WDR70: variants seen among roughly 807,000 people sequenced by gnomAD.
WDR70 encodes the protein WD repeat-containing protein 70.
In WDR70, 53 loss-of-function variants were observed where a neutral mutation model predicts 88.6. The observed-to-expected ratio is 0.60, with a 90% CI of 0.48 to 0.75. WDR70 has a LOEUF of 0.75. Among genes scored for constraint, WDR70 ranks in the 30% least tolerant of loss-of-function variants. WDR70 has a pLI of 0.00. For synonymous variants in WDR70, 280 were observed against 270.0 expected, an observed-to-expected ratio of 1.04 and a Z score of -0.36; for missense variants, 610 against 823.2, an observed-to-expected ratio of 0.74 and a Z score of 3.17.
intron 17 of WDR70, among the ~76,000 whole-genome samples, chr5:37,749,852 G>T (rs189496920): frequency 1.7e-4 from 25 of 150,434 alleles, no homozygotes; most frequent in Non-Finnish European, 3.4e-4. Context: ...CAAAAACGCA[G>T]TATCTCCTTT....
intron 10 of WDR70, among the ~76,000 whole-genome samples, chr5:37,674,354 G>A (rs574167810): frequency 3.9e-5 from 6 of 152,032 alleles, no homozygotes; most frequent in Admixed American, 6.5e-5. Context: ...TTTAGCATTA[G>A]GTATATCTCC....
At chr5:37,528,628 T>A (rs1741382005) in intron 9 of WDR70, among the ~76,000 whole-genome samples, 1 of 151,634 alleles carries the variant, frequency 6.6e-6, no homozygotes, top group Non-Finnish European at 1.5e-5. Context: ...TAAAGTATAA[T>A]AAAAAAAAAC....
At chr5:37,750,061 G>A (rs1169291284) in intron 17 of WDR70, among the ~76,000 whole-genome samples, 1 of 151,964 alleles carries the variant, frequency 6.6e-6, no homozygotes, top group Non-Finnish European at 1.5e-5. Context: ...TTCAAGTTTT[G>A]ACAAATGCAT....
At chr5:37,532,562 C>A (rs1253107592) in intron 9 of WDR70, among the ~76,000 whole-genome samples, 1 of 151,940 alleles carries the variant, frequency 6.6e-6, no homozygotes. Context: ...CTGAGACTTT[C>A]CAGTGTATTT....
intron 9 of WDR70, among the ~76,000 whole-genome samples, chr5:37,575,606 A>G (rs189625009): frequency 6.6e-6 from 1 of 152,336 alleles, no homozygotes; most frequent in Admixed American, 6.5e-5. Context: ...ACCACATGCC[A>G]GGAGCCTACC....
At chr5:37,382,395 G>C (rs115201075) in intron 3 of WDR70, among the ~76,000 whole-genome samples, 1 of 151,002 alleles carries the variant, frequency 6.6e-6, no homozygotes, top group African/African-American at 2.4e-5. Flanking sequence ...ACTGTGCCCC[G>C]CTTTTTGTTT....
At chr5:37,604,004 G>GT (rs1413022313) in intron 9 of WDR70, among the ~76,000 whole-genome samples, 1 of 151,984 alleles carries the variant, frequency 6.6e-6, no homozygotes, top group Non-Finnish European at 1.5e-5. Flanking sequence ...TTAGTGCATT[G>GT]TTTTTTACCA....
At chr5:37,418,206 AATTTT>A (rs61031749) in intron 5 of WDR70, among the ~76,000 whole-genome samples, 27 of 151,984 alleles carry the variant, frequency 1.8e-4, no homozygotes, top group Admixed American at 5.9e-4. Flanking sequence ...TTGAATTATG[AATTTT>A]ATTTTATTTT....
chr5:37,619,811 A>T (rs1744455343), intron 10 of WDR70, among the ~76,000 whole-genome samples: 1 of 151,714 alleles, frequency 6.6e-6, no homozygotes, highest in African/African-American at 2.4e-5. Context: ...CAAATTTCTT[A>T]AAACTTTTCA....
At chr5:37,603,020 A>G (rs1277674030) in intron 9 of WDR70, among the ~76,000 whole-genome samples, 1 of 152,168 alleles carries the variant, frequency 6.6e-6, no homozygotes, top group Non-Finnish European at 1.5e-5. Context: ...ATGGAAAGAT[A>G]TTCCATGTCC....
chr5:37,674,339 C>T (rs999265990), intron 10 of WDR70, among the ~76,000 whole-genome samples: 7 of 151,964 alleles, frequency 4.6e-5, no homozygotes, highest in Admixed American at 1.3e-4. Context: ...CCCATTAACT[C>T]GTCATTTAGC....
chr5:37,398,091 T>G (rs1257394663), intron 5 of WDR70, among the ~76,000 whole-genome samples: 1 of 16,106 alleles, frequency 6.2e-5, no homozygotes, highest in East Asian at 3.8e-3. Context: ...TAGATAATTT[T>G]TTTTTTTTTT....
intron 9 of WDR70, among the ~76,000 whole-genome samples, chr5:37,599,313 T>C (rs1350332228): frequency 6.6e-6 from 1 of 152,218 alleles, no homozygotes; most frequent in African/African-American, 2.4e-5. Context: ...AAGAATACAG[T>C]TGCATTTAGG....
chr5:37,727,045 A>G lies in WDR70; in HGVS notation c.1877A>G (p.Lys626Arg). 1 of 1,605,686 alleles carries G rather than the reference A, an allele frequency of 6.2e-7. No homozygotes were observed. Among genetic ancestry groups the G allele is most frequent in the Non-Finnish European group, 8.5e-7 (1 of 1,177,230 alleles). Residue 626 changes from lysine to arginine, a missense_variant and splice_region_variant, in exon 17 of 18, where the codon AAG (lysine) becomes AGG (arginine). Physicochemically the swap from Lys to Arg is conservative, Grantham distance 26 (BLOSUM62 2). This residue lies in a region of WDR70 where 70 missense variants were observed against 139.2 expected (regional missense o/e 0.50). Coordinates refer to ENST00000265107, the MANE Select transcript of WDR70 (RefSeq NM_018034.4). The stretch of plus-strand genomic sequence containing the variant: ...TATTGGGTTTCTCCAGCATATTCCA[A>G]GTGAGAATATAGCTTTTTAAAACAG... ...SPYWVSPAYS[K>R]TQPKTMFAQV...
intron 9 of WDR70, among the ~76,000 whole-genome samples, chr5:37,577,558 C>A (rs1743094332): frequency 6.6e-6 from 1 of 151,968 alleles, no homozygotes; most frequent in East Asian, 1.9e-4. Context: ...AAGACTTTCC[C>A]AGGGAGATAA....
intron 5 of WDR70, among the ~76,000 whole-genome samples, chr5:37,416,870 C>T (rs1009889932): frequency 1.3e-5 from 2 of 152,154 alleles, no homozygotes; most frequent in Admixed American, 6.6e-5. Context: ...CCACCGTGCC[C>T]AGCCACAGTT....
At position 37,396,477 on chromosome 5, in the gene WDR70, T is replaced by C. The variant is rs1305552131; in HGVS notation, c.399T>C (p.Phe133=). 1.9e-6 allele frequency: 3 copies of C among 1,614,070 alleles called. No homozygotes were observed. Among genetic ancestry groups the C allele is most frequent in the Non-Finnish European group, 2.5e-6 (3 of 1,180,034 alleles). The change falls in exon 5 of 18, where the codon TTT becomes TTC. Residue 133 remains phenylalanine, a synonymous_variant. Transcript: ENST00000265107. The stretch of plus-strand genomic sequence containing the variant: ...AAATGGTAGGAAAACCAGTTAATTT[T>C]ATGGAGGAAGATATCCTCGGTCCTT... ...PPKMVGKPVN[F]MEEDILGPLP...
At chr5:37,614,521 A>C (rs1744277185) in intron 10 of WDR70, among the ~76,000 whole-genome samples, 1 of 152,198 alleles carries the variant, frequency 6.6e-6, no homozygotes, top group African/African-American at 2.4e-5. Flanking sequence ...TGGATTCAGA[A>C]AATCAAAATA....
intron 3 of WDR70, among the ~76,000 whole-genome samples, chr5:37,387,239 C>G (rs977784085): frequency 3.3e-5 from 5 of 151,864 alleles, no homozygotes; most frequent in Non-Finnish European, 5.9e-5. Flanking sequence ...CTTCATAATC[C>G]TGTTGTGTGT....
Sources: allele counts gnomAD v4.1 joint callset (sites outside exome capture counted in the v4.1 genomes callset), GRCh38; gene constraint gnomAD v4.1.1; regional missense constraint gnomAD v4.1.1; transcripts MANE v1.5; gene names NCBI Gene and HGNC (gene_info 2026-07-23, HGNC 2026-07-21).